The following POM121 variants were observed in gnomAD, a reference collection of about 807,000 sequenced individuals.
The protein encoded by POM121 is nuclear envelope pore membrane protein POM 121.
In POM121, 32 loss-of-function variants were observed where a neutral mutation model predicts 81.3. That is an observed-to-expected ratio of 0.39 (90% CI 0.30 to 0.53). The LOEUF (loss-of-function observed/expected upper bound fraction) is 0.53. POM121 is among the 20% of genes least tolerant of loss of function. The probability of loss-of-function intolerance (pLI) is 0.66; values close to 1 mark genes in which losing one functional copy is unlikely to be tolerated. For synonymous variants in POM121, 514 were observed against 694.2 expected, an observed-to-expected ratio of 0.74 and a Z score of 4.08; for missense variants, 1,138 against 1,614.6, an observed-to-expected ratio of 0.70 and a Z score of 5.06.
At position 72,943,079 on chromosome 7, in the gene POM121, T is replaced by C. The variant is rs141431659; in HGVS notation, c.3086T>C (p.Ile1029Thr). 3,018 of 1,611,400 alleles carry C rather than the reference T, an allele frequency of 1.9e-3. 4 individuals carry two copies. The African/African-American group carries it at 0.022, about 12-fold the overall frequency. ...TACGTGCCTACGCCCATCCATCCTATCTTTGGCGGTGCCACGCACTCGGCG... is the reference window on the plus strand; with the variant it reads ...TACGTGCCTACGCCCATCCATCCTACCTTTGGCGGTGCCACGCACTCGGCG... ...PAYVPTPIHP[I>T]FGGATHSAFG... The change falls in exon 11 of 13, where the codon ATC (isoleucine) becomes ACC (threonine). Residue 1029 changes from isoleucine (I) to threonine (T), a missense_variant. Physicochemically the swap from Ile to Thr is moderately conservative, Grantham distance 89. Coordinates refer to ENST00000434423, the MANE Select transcript of POM121 (RefSeq NM_001387691.1).
chr7:72,906,101 A>G (rs1793208741), intron 3 of POM121, among the ~76,000 whole-genome samples: 6 of 152,182 alleles, frequency 3.9e-5, no homozygotes, highest in Admixed American at 3.9e-4. Flanking sequence ...TTGTGTGGTC[A>G]CTGAAATTTC....
intron 5 of POM121, among the ~76,000 whole-genome samples, chr7:72,933,435 G>T (rs533009836): frequency 1.3e-5 from 2 of 152,324 alleles, no homozygotes; most frequent in East Asian, 3.9e-4. Flanking sequence ...TTTCAGTTCT[G>T]TTTCCATGAG....
At chr7:72,891,764 A>G (rs1791320641) in intron 3 of POM121, among the ~76,000 whole-genome samples, 1 of 152,094 alleles carries the variant, frequency 6.6e-6, no homozygotes, top group African/African-American at 2.4e-5. Flanking sequence ...TTAACTTGAG[A>G]CTTTTATGTT....
rs10231271 is a variant in POM121 at position 72,893,994 on chromosome 7, G to T, written c.-216+2884G>T. Among the ~76,000 whole-genome samples, 3 of 151,934 alleles carry T rather than the reference G, an allele frequency of 2.0e-5. No individual in the cohort carries two copies. In the East Asian group the frequency reaches 5.8e-4, roughly 29 times the overall value. ...TTTTTTAAGAGACAAGGTCTCGGCC[G>T]GGCATGATGGCTCACACCTGTAATC... On this transcript the variant is annotated intron_variant, in intron 3 of 15. Coordinates refer to the POM121 transcript ENST00000395270.
chr7:72,900,355 CCT>C (rs1275881600), intron 3 of POM121, among the ~76,000 whole-genome samples: 13 of 145,562 alleles, frequency 8.9e-5, no homozygotes, highest in African/African-American at 3.2e-4. Flanking sequence ...TCATTTGCAT[CCT>C]CTCTTTTTGC....
intron 6 of POM121, among the ~76,000 whole-genome samples, 172 bp downstream of exon 6, chr7:72,938,853 A>G (rs1170912003): frequency 6.6e-6 from 1 of 152,194 alleles, no homozygotes; most frequent in Non-Finnish European, 1.5e-5. Context: ...TGTCATCCCT[A>G]CAGTCTTGGA....
In POM121 at chr7:72,908,936, C is replaced by T. The variant is rs368120297; in HGVS notation, c.-215-4829C>T. The stretch of plus-strand genomic sequence containing the variant: ...ACGTAATCATCACAGGGTCCTGAGG[C>T]GACATACATCCTCAGTTTACGAAGA... On this transcript the variant is annotated intron_variant, in intron 3 of 15. Coordinates refer to the POM121 transcript ENST00000395270. Among the ~76,000 whole-genome samples, 14 of 152,086 alleles carry T rather than the reference C, an allele frequency of 9.2e-5. No homozygotes were observed. The East Asian group carries it at 2.1e-3, about 23-fold the overall frequency.
rs145293922 is a variant in POM121 at position 72,946,323 on chromosome 7, C to T, written c.*89C>T. The T allele has an allele frequency of 1.7e-3, 2,575 of 1,523,284 alleles. 34 individuals carry two copies. In the African/African-American group the frequency reaches 0.026, roughly 15 times the overall value. 94.4% of individuals were successfully genotyped at this position (1,523,284 alleles called of 1,614,324 possible). On this transcript the variant is annotated 3_prime_UTR_variant, in exon 13 of 13. Coordinates refer to ENST00000434423, the MANE Select transcript of POM121 (RefSeq NM_001387691.1). ...GAAGAGCCTTGGACCCTTCCAGTTG[C>T]GTAAAGCAAACCTACCCCGGATCTC... is the stretch of plus-strand genomic sequence containing the variant.
intron 4 of POM121, among the ~76,000 whole-genome samples, chr7:72,915,746 C>T (rs1586125046): frequency 6.6e-6 from 1 of 152,196 alleles, no homozygotes; most frequent in African/African-American, 2.4e-5. Flanking sequence ...GATCCAGGCT[C>T]ACTGCAACCT....
chr7:72,880,449 T>C (rs1790026435), intron 1 of POM121, among the ~76,000 whole-genome samples: 1 of 152,092 alleles, frequency 6.6e-6, no homozygotes, highest in Non-Finnish European at 1.5e-5. Context: ...GTTTTCTTAA[T>C]AGAAGATTAT....
chr7:72,940,070 T>C, intron 8 of POM121, 102 bp downstream of exon 8: 1 of 1,460,372 alleles, frequency 6.8e-7, no homozygotes, highest in African/African-American at 1.4e-5. Flanking sequence ...TAATTTATTT[T>C]TGTTTTTGTT....
exon 3 of POM121, chr7:72,891,078 C>T (rs1214113729): frequency 1.6e-5 from 17 of 1,087,350 alleles, no homozygotes; most frequent in East Asian, 4.8e-5. Flanking sequence ...CTGTGGATAA[C>T]GGGAGGTGAA....
chr7:72,948,492 C>G (rs1554503857), downstream of POM121: 22 of 1,613,514 alleles, frequency 1.4e-5, no homozygotes, highest in Non-Finnish European at 1.8e-5. Context: ...CTGCTATGTG[C>G]AAGGCGGTGT....
chr7:72,949,652 G>C (rs1797938362), downstream of POM121: 1 of 655,788 alleles, frequency 1.5e-6, no homozygotes, highest in Non-Finnish European at 2.8e-6. Context: ...AACTGGCCTG[G>C]GGTCTCTGCC....
intron 3 of POM121, among the ~76,000 whole-genome samples, chr7:72,912,572 C>T (rs552047896): frequency 8.3e-4 from 127 of 152,122 alleles, no homozygotes; most frequent in African/African-American, 2.9e-3. Context: ...GTCAGGAGAT[C>T]GAGACCATCC....
intron 4 of POM121, among the ~76,000 whole-genome samples, chr7:72,918,228 T>C (rs564239935): frequency 7.9e-5 from 12 of 152,210 alleles, no homozygotes; most frequent in Middle Eastern, 3.4e-3. Context: ...CAGAGTCTTC[T>C]CTAAACTCCC....
chr7:72,925,343 A>T lies in POM121; in HGVS notation c.222A>T (p.Arg74=). 2 of 1,534,052 alleles carry T rather than the reference A, an allele frequency of 1.3e-6. No homozygotes were observed. Among genetic ancestry groups the T allele is most frequent in the South Asian group, 2.4e-5 (2 of 83,966 alleles). Residue 74 remains arginine (R), a synonymous_variant, in exon 1 of 13, where the codon CGA becomes CGT. Transcript: ENST00000434423. Reference sequence around the variant, plus strand: ...GGTGGGGACTGAGCCGCGAGCCCCGAGGTTCGCGCCCCTTGTCCTCCTTCG... The same window carrying T: ...GGTGGGGACTGAGCCGCGAGCCCCGTGGTTCGCGCCCCTTGTCCTCCTTCG... ...AAWWGLSREP[R]GSRPLSSFVR...
chr7:72,917,237 T>C (rs1377329982), intron 4 of POM121, among the ~76,000 whole-genome samples: 3 of 152,222 alleles, frequency 2.0e-5, no homozygotes, highest in Non-Finnish European at 2.9e-5. Context: ...CACATTTTGA[T>C]AGAGATTTCC....
downstream of POM121, chr7:72,949,122 G>C (rs374307663): frequency 2.8e-5 from 43 of 1,519,856 alleles, no homozygotes; most frequent in Non-Finnish European, 3.7e-5. Context: ...AGCGTGTCTC[G>C]GTTACACAGC....
Sources: gnomAD v4.1 joint callset for allele counts (sites outside exome capture counted in the v4.1 genomes callset) on GRCh38, gnomAD v4.1.1 for gene constraint, MANE v1.5 for transcripts, NCBI Gene and HGNC (gene_info 2026-07-23, HGNC 2026-07-21) for gene names.